TFDP2: variants seen among roughly 807,000 people sequenced by gnomAD.
TFDP2 encodes the protein transcription factor Dp-2, also known as transcription factor Dp-2 (E2F dimerization partner 2).
In TFDP2, 17 loss-of-function variants were observed where a neutral mutation model predicts 59.3. The observed-to-expected ratio is 0.29, with a 90% CI of 0.20 to 0.43. TFDP2 has a LOEUF of 0.43. TFDP2 is among the 20% of genes least tolerant of loss of function. TFDP2 has a pLI of 1.00. For synonymous variants in TFDP2, 180 were observed against 194.7 expected, an observed-to-expected ratio of 0.92 and a Z score of 0.63; for missense variants, 391 against 528.8, an observed-to-expected ratio of 0.74 and a Z score of 2.56.
At chr3:142,085,308 T>C (rs1402764536) in intron 3 of TFDP2, among the ~76,000 whole-genome samples, 1 of 146,716 alleles carries the variant, frequency 6.8e-6, no homozygotes, top group East Asian at 1.9e-4. Context: ...GGATACTCCA[T>C]TTACCATGAT....
Position 142,135,656 on chromosome 3 carries a change from T to TA in TFDP2, c.-93+13526_-93+13527insT, listed in dbSNP as rs1340482517. Among the ~76,000 whole-genome samples, 16 of 152,036 alleles carry TA rather than the reference T, an allele frequency of 1.1e-4. No individual in the cohort carries two copies. The East Asian group carries it at 1.9e-3, about 18-fold the overall frequency. On this transcript the variant is annotated intron_variant, in intron 1 of 12. Coordinates refer to ENST00000489671, the MANE Select transcript of TFDP2 (RefSeq NM_001178139.2). Reference sequence around the variant, plus strand: ...AACTATAAGGGAGAACATATGGTGTTTGGTTTTCTGTCCTTGTGATAGTTT... The same window carrying TA: ...AACTATAAGGGAGAACATATGGTGTTATGGTTTTCTGTCCTTGTGATAGTTT...
At chr3:142,117,238 C>A (rs2061880399) in intron 1 of TFDP2, among the ~76,000 whole-genome samples, 1 of 152,114 alleles carries the variant, frequency 6.6e-6, no homozygotes, top group Non-Finnish European at 1.5e-5. Flanking sequence ...GATTTTTGAA[C>A]CTTTCCAGGT....
intron 7 of TFDP2, among the ~76,000 whole-genome samples, chr3:141,975,880 T>C (rs1458468036): frequency 6.6e-6 from 1 of 151,938 alleles, no homozygotes; most frequent in Admixed American, 6.6e-5. Flanking sequence ...TTTAAAGTAA[T>C]AAAAACAACT....
intron 3 of TFDP2, among the ~76,000 whole-genome samples, chr3:142,009,188 T>C (rs1944444701): frequency 6.6e-6 from 1 of 152,190 alleles, no homozygotes; most frequent in Non-Finnish European, 1.5e-5. Flanking sequence ...TGATAAAAAC[T>C]GTTTGATCAG....
At chr3:142,039,646 C>G (rs1458091026) in intron 3 of TFDP2, among the ~76,000 whole-genome samples, 1 of 152,132 alleles carries the variant, frequency 6.6e-6, no homozygotes, top group South Asian at 2.1e-4. Context: ...TAAGTACCAC[C>G]CCTGGGGTTC....
intron 3 of TFDP2, among the ~76,000 whole-genome samples, chr3:142,034,392 C>T (rs1333005426): frequency 1.3e-5 from 2 of 152,082 alleles, no homozygotes; most frequent in African/African-American, 4.8e-5. Context: ...AGCCACCATG[C>T]CTGGCCTGCA....
At chr3:142,120,080 A>C (rs1421236516) in intron 1 of TFDP2, among the ~76,000 whole-genome samples, 1 of 150,532 alleles carries the variant, frequency 6.6e-6, no homozygotes, top group African/African-American at 2.4e-5. Context: ...AGAAAAAAGA[A>C]GGCTGGGCGT....
chr3:142,130,872 T>C (rs1577053627), intron 1 of TFDP2, among the ~76,000 whole-genome samples: 1 of 151,758 alleles, frequency 6.6e-6, no homozygotes, highest in East Asian at 1.9e-4. Flanking sequence ...GCCAACATGG[T>C]GAAACCTCAT....
At chr3:142,060,906 T>A (rs2059897375) in intron 3 of TFDP2, among the ~76,000 whole-genome samples, 1 of 152,198 alleles carries the variant, frequency 6.6e-6, no homozygotes, top group African/African-American at 2.4e-5. Context: ...ATCAACTTAC[T>A]TATTTGTCTT....
At chr3:142,125,688 G>T (rs2062215173) in intron 1 of TFDP2, among the ~76,000 whole-genome samples, 1 of 152,158 alleles carries the variant, frequency 6.6e-6, no homozygotes, top group Admixed American at 6.5e-5. Context: ...GTGAAAAAAA[G>T]AAAGTTATAA....
At chr3:141,954,366 C>T (rs1042890849) in intron 11 of TFDP2, among the ~76,000 whole-genome samples, 1 of 151,976 alleles carries the variant, frequency 6.6e-6, no homozygotes, top group Non-Finnish European at 1.5e-5. Context: ...TGTGGCGGGG[C>T]GCGGTGGCTC....
At chr3:142,056,602 G>A (rs1423939981) in intron 3 of TFDP2, among the ~76,000 whole-genome samples, 1 of 152,022 alleles carries the variant, frequency 6.6e-6, no homozygotes, top group Non-Finnish European at 1.5e-5. Flanking sequence ...TGGTGGGAGT[G>A]ATGTTTAGAA....
chr3:142,025,940 G>A (rs1487581855), intron 3 of TFDP2, among the ~76,000 whole-genome samples: 1 of 152,058 alleles, frequency 6.6e-6, no homozygotes, highest in Non-Finnish European at 1.5e-5. Flanking sequence ...CTCCAGCCTG[G>A]GCAACAAGAG....
chr3:141,990,421 C>A (rs990077058), intron 6 of TFDP2, among the ~76,000 whole-genome samples: 4 of 151,918 alleles, frequency 2.6e-5, no homozygotes, highest in Non-Finnish European at 2.9e-5. Flanking sequence ...ATTACAGGCA[C>A]CCACCACCAT....
chr3:142,100,133 T>C (rs2061276128), intron 2 of TFDP2, among the ~76,000 whole-genome samples: 1 of 152,246 alleles, frequency 6.6e-6, no homozygotes, highest in Non-Finnish European at 1.5e-5. Context: ...TTGTTAACGC[T>C]ATTGTTCGGC....
chr3:142,058,202 T>A (rs944625794), intron 3 of TFDP2, among the ~76,000 whole-genome samples: 1 of 152,058 alleles, frequency 6.6e-6, no homozygotes, highest in African/African-American at 2.4e-5. Flanking sequence ...TAACTAACCC[T>A]CGATATTAAA....
At chr3:142,033,350 T>A (rs1289740068) in intron 3 of TFDP2, among the ~76,000 whole-genome samples, 1 of 152,208 alleles carries the variant, frequency 6.6e-6, no homozygotes, top group Non-Finnish European at 1.5e-5. Context: ...AAAGTTCTAT[T>A]AAACATCTCT....
intron 1 of TFDP2, among the ~76,000 whole-genome samples, chr3:142,144,352 A>G (rs1358565417): frequency 1.3e-5 from 2 of 151,568 alleles, no homozygotes; most frequent in Non-Finnish European, 2.9e-5. Context: ...CCTGGGCAAT[A>G]GAGCAAGGCT....
chr3:141,969,165 C>CTGTT lies in TFDP2; in HGVS notation c.732+907_732+908insAACA, dbSNP rs1939204293. On this transcript the variant is annotated intron_variant, in intron 9 of 12. Transcript: ENST00000489671. ...CCATATATATGAGATATATATATAA[C>CTGTT]ATATATATATATCTCATATATATGA... 4.9e-5 allele frequency among the ~76,000 whole-genome samples: 2 copies of CTGTT among 41,164 alleles called. 1 individual carries two copies. The highest frequency in any genetic ancestry group is 8.3e-5 in the Non-Finnish European group (2 of 24,068). 27.0% of individuals were successfully genotyped at this position (41,164 alleles called of 152,430 possible).
Sources: gnomAD v4.1 joint callset for allele counts (sites outside exome capture counted in the v4.1 genomes callset) on GRCh38, gnomAD v4.1.1 for gene constraint, MANE v1.5 for transcripts, NCBI Gene and HGNC (gene_info 2026-07-23, HGNC 2026-07-21) for gene names.